Variants in DOK5 observed in about 807,000 individuals in gnomAD.
DOK5 encodes docking protein 5.
In DOK5, 27 loss-of-function variants were observed where a neutral mutation model predicts 43.3. That is an observed-to-expected ratio of 0.62 (90% CI 0.46 to 0.86). The LOEUF (loss-of-function observed/expected upper bound fraction) is 0.86. Among genes scored for constraint, DOK5 ranks in the 40% least tolerant of loss-of-function variants. The pLI is 0.00. For synonymous variants in DOK5, 146 were observed against 140.1 expected, an observed-to-expected ratio of 1.04 and a Z score of -0.30; for missense variants, 373 against 392.9, an observed-to-expected ratio of 0.95 and a Z score of 0.43.
At chr20:54,604,065 G>C (rs971171878) in intron 5 of DOK5, among the ~76,000 whole-genome samples, 2 of 147,388 alleles carry the variant, frequency 1.4e-5, no homozygotes, top group African/African-American at 5.1e-5. Flanking sequence ...TCCTGCCTCA[G>C]CCTCCCGAGT....
chr20:54,612,210 G>T (rs923550917), intron 6 of DOK5, among the ~76,000 whole-genome samples: 3 of 152,148 alleles, frequency 2.0e-5, no homozygotes, highest in African/African-American at 7.2e-5. Flanking sequence ...CAGTCAGCAG[G>T]CTGGATTTGG....
At chr20:54,644,723 A>AACAAAAAAAAACAC (rs779663636) in intron 7 of DOK5, among the ~76,000 whole-genome samples, 4,511 of 142,062 alleles carry the variant, frequency 0.032, 102 homozygotes, top group Middle Eastern at 0.063. Context: ...AAAAAAAAAA[A>AACAAAAAAAAACAC]ACAAAATTTA....
chr20:54,477,567 G>T (rs1981483649), intron 1 of DOK5, among the ~76,000 whole-genome samples: 1 of 151,978 alleles, frequency 6.6e-6, no homozygotes, highest in Admixed American at 6.5e-5. Flanking sequence ...CCCATGTAAG[G>T]GGCAAACAAT....
intron 1 of DOK5, among the ~76,000 whole-genome samples, chr20:54,541,062 G>T (rs940386404): frequency 6.6e-6 from 1 of 152,038 alleles, no homozygotes; most frequent in Non-Finnish European, 1.5e-5. Context: ...ACTGAACTTC[G>T]TCCTTTTCCA....
intron 2 of DOK5, among the ~76,000 whole-genome samples, chr20:54,582,051 T>A (rs1985661184): frequency 6.6e-6 from 1 of 151,994 alleles, no homozygotes; most frequent in East Asian, 1.9e-4. Context: ...TTTTTTCTAC[T>A]CCCATTTTGT....
chr20:54,481,051 G>GTCTATCATCTA (rs1337423916), intron 1 of DOK5, among the ~76,000 whole-genome samples: 1 of 111,106 alleles, frequency 9.0e-6, no homozygotes, highest in East Asian at 2.1e-4. Flanking sequence ...TCTATCATCT[G>GTCTATCATCTA]TCTATCATCT....
chr20:54,567,330 A>G (rs1403118071), intron 2 of DOK5, among the ~76,000 whole-genome samples: 3 of 152,182 alleles, frequency 2.0e-5, no homozygotes, highest in African/African-American at 7.2e-5. Context: ...ACATTTAAAT[A>G]TGATTCATTT....
intron 1 of DOK5, among the ~76,000 whole-genome samples, chr20:54,486,928 G>A (rs1211875816): frequency 6.6e-6 from 1 of 152,014 alleles, no homozygotes; most frequent in Non-Finnish European, 1.5e-5. Context: ...TCATATTCCA[G>A]CGGAAGAGTC....
At chr20:54,480,555 C>G (rs1981628484) in intron 1 of DOK5, among the ~76,000 whole-genome samples, 3 of 152,214 alleles carry the variant, frequency 2.0e-5, no homozygotes, top group African/African-American at 7.2e-5. Flanking sequence ...GCCCTCGGGG[C>G]TGCTCCGTCT....
chr20:54,492,840 G>C (rs1417350242), intron 1 of DOK5, among the ~76,000 whole-genome samples: 1 of 151,942 alleles, frequency 6.6e-6, no homozygotes, highest in Non-Finnish European at 1.5e-5. Context: ...GATCACTTGA[G>C]GTCAGGAGTT....
intron 2 of DOK5, among the ~76,000 whole-genome samples, chr20:54,579,030 A>G (rs1449270574): frequency 1.3e-5 from 2 of 152,224 alleles, no homozygotes; most frequent in Non-Finnish European, 2.9e-5. Context: ...CTCAGTAGGA[A>G]ATTATATGAA....
chr20:54,564,162 G>T (rs1349934088), intron 2 of DOK5, among the ~76,000 whole-genome samples: 1 of 152,090 alleles, frequency 6.6e-6, no homozygotes, highest in Non-Finnish European at 1.5e-5. Flanking sequence ...GGTGGCTCAC[G>T]CCTGTAATCC....
At chr20:54,480,939 C>CTATG (rs1981650240) in intron 1 of DOK5, among the ~76,000 whole-genome samples, 1 of 135,840 alleles carries the variant, frequency 7.4e-6, no homozygotes, top group African/African-American at 3.1e-5. Flanking sequence ...CATCTATCAT[C>CTATG]TATCTATCTA....
chr20:54,510,497 C>G (rs917183969), intron 1 of DOK5, among the ~76,000 whole-genome samples: 3 of 152,048 alleles, frequency 2.0e-5, no homozygotes, highest in Non-Finnish European at 4.4e-5. Flanking sequence ...CACAGCCAGG[C>G]ATGTATACTC....
chr20:54,571,013 T>C (rs924460528), intron 2 of DOK5, among the ~76,000 whole-genome samples: 22 of 152,178 alleles, frequency 1.4e-4, no homozygotes, highest in African/African-American at 5.1e-4. Flanking sequence ...ACATCTGGAG[T>C]ATGGCTTTAA....
At chr20:54,522,409 T>A (rs1983434442) in intron 1 of DOK5, among the ~76,000 whole-genome samples, 1 of 152,266 alleles carries the variant, frequency 6.6e-6, no homozygotes, top group Admixed American at 6.5e-5. Context: ...ATGCAATACT[T>A]CATGGAGGAA....
At chr20:54,644,638 G>A (rs1979288992) in intron 7 of DOK5, among the ~76,000 whole-genome samples, 2 of 151,020 alleles carry the variant, frequency 1.3e-5, no homozygotes, top group Non-Finnish European at 2.9e-5. Flanking sequence ...CCCGGGAGGC[G>A]GAGCTTGCAG....
At chr20:54,642,043 G>A (rs761544810) in intron 6 of DOK5, among the ~76,000 whole-genome samples, 1 of 152,174 alleles carries the variant, frequency 6.6e-6, no homozygotes, top group Non-Finnish European at 1.5e-5. Context: ...TCATGATTGT[G>A]TCTAAGACCA....
intron 5 of DOK5, among the ~76,000 whole-genome samples, chr20:54,605,475 G>A (rs6098104): frequency 0.068 from 10,419 of 152,200 alleles, 389 homozygotes; most frequent in Middle Eastern, 0.095. Context: ...GCTCAGCCCC[G>A]CAGGCTACCC....
Sources: gnomAD v4.1 joint callset for allele counts (sites outside exome capture counted in the v4.1 genomes callset) on GRCh38, gnomAD v4.1.1 for gene constraint, MANE v1.5 for transcripts, NCBI Gene and HGNC (gene_info 2026-07-23, HGNC 2026-07-21) for gene names.